The following C6orf89 variants were observed in gnomAD, a reference collection of about 807,000 sequenced individuals.
C6orf89 encodes the protein chromosome 6 open reading frame 89.
Under a neutral mutation model 40.7 loss-of-function variants are expected in C6orf89, and 29 were observed. The observed-to-expected ratio is 0.71, with a 90% CI of 0.53 to 0.97. The LOEUF (loss-of-function observed/expected upper bound fraction) is 0.97. Ranked by LOEUF, C6orf89 falls within the 50% of genes least tolerant of loss-of-function variation. The pLI is 0.00. For synonymous variants in C6orf89, 165 were observed against 152.2 expected, an observed-to-expected ratio of 1.08 and a Z score of -0.62; for missense variants, 392 against 429.1, an observed-to-expected ratio of 0.91 and a Z score of 0.76.
chr6:36,914,634 GT>G lies in C6orf89; in HGVS notation c.641del (p.Phe214SerfsTer23). 2 of 1,614,236 alleles carry G rather than the reference GT, an allele frequency of 1.2e-6. No individual in the cohort carries two copies. The highest frequency in any genetic ancestry group is 1.7e-6 in the Non-Finnish European group (2 of 1,180,044). On this transcript the variant is annotated frameshift_variant, in exon 6 of 9. Transcript: ENST00000480824. LOFTEE classifies it high-confidence loss of function. ...AGGCGACAGAAGGCTTCTCTGAAGG[GT>G]TTTTCGCCAAGTGGTGGCGCTGCTT... ...PEATEGFSEG[F>X]FAKWWRCFPE...
rs371124969 is a variant in C6orf89 at position 36,874,587 on chromosome 6, C to T, written c.-628+2620C>T. 4 of 1,282,246 alleles carry T rather than the reference C, an allele frequency of 3.1e-6. No homozygotes were observed. In the East Asian group the frequency reaches 9.9e-5, roughly 32 times the overall value. The allele number at this position is 1,282,246 out of a possible 1,614,324, so 79.4% of individuals were successfully genotyped here. ...CCCCTCTCAACCCTCTGGGGGCCGTCTCGGCCGCTGCTCCACGCCCCTCCA... is the reference window on the plus strand; with the variant it reads ...CCCCTCTCAACCCTCTGGGGGCCGTTTCGGCCGCTGCTCCACGCCCCTCCA... On this transcript the variant is annotated intron_variant, in intron 1 of 9. Transcript: ENST00000359359.
At chr6:36,895,881 G>A (rs1761407737) in intron 2 of C6orf89, among the ~76,000 whole-genome samples, 1 of 152,188 alleles carries the variant, frequency 6.6e-6, no homozygotes, top group South Asian at 2.1e-4. Context: ...TAGAATTGCT[G>A]GGTCATATGG....
intron 7 of C6orf89, among the ~76,000 whole-genome samples, chr6:36,918,012 T>C (rs1478666861): frequency 6.6e-6 from 1 of 152,174 alleles, no homozygotes; most frequent in Non-Finnish European, 1.5e-5. Context: ...GAGAATCTGT[T>C]TCCCCACCCT....
At chr6:36,914,483 C>CTA (rs767048075) in intron 5 of C6orf89, 48 bp downstream of exon 5, 1 of 1,612,476 alleles carries the variant, frequency 6.2e-7, no homozygotes, top group South Asian at 1.1e-5. Context: ...TGCTTAAAGG[C>CTA]TAGGTCAAGC....
chr6:36,921,226 G>T (rs1762499387), intron 8 of C6orf89, among the ~76,000 whole-genome samples: 1 of 151,448 alleles, frequency 6.6e-6, no homozygotes, highest in Admixed American at 6.6e-5. Context: ...AAGAATGGGG[G>T]CAGGGAGGGG....
chr6:36,877,273 T>C (rs1774685033), intron 1 of C6orf89, among the ~76,000 whole-genome samples: 1 of 152,232 alleles, frequency 6.6e-6, no homozygotes, highest in Admixed American at 6.5e-5. Context: ...AATTGCTGTG[T>C]CATAGGTAAC....
chr6:36,889,591 A>AAAAAAAAG (rs1775121611), intron 1 of C6orf89, among the ~76,000 whole-genome samples: 1 of 152,094 alleles, frequency 6.6e-6, no homozygotes, highest in African/African-American at 2.4e-5. Context: ...ACAAAAAAAA[A>AAAAAAAAG]AAGAAAAACC....
At chr6:36,896,386 C>T (rs1432633819) in intron 2 of C6orf89, among the ~76,000 whole-genome samples, 1 of 152,188 alleles carries the variant, frequency 6.6e-6, no homozygotes, top group South Asian at 2.1e-4. Flanking sequence ...GGATTACAGA[C>T]GTGAGCCACT....
At chr6:36,904,944 G>T (rs1211597260) in intron 4 of C6orf89, among the ~76,000 whole-genome samples, 2 of 152,282 alleles carry the variant, frequency 1.3e-5, no homozygotes, top group East Asian at 3.9e-4. Flanking sequence ...ACAAAAAGGT[G>T]ACAGAGGTGG....
intron 2 of C6orf89, among the ~76,000 whole-genome samples, chr6:36,896,103 T>C (rs908864377): frequency 6.6e-6 from 1 of 152,214 alleles, no homozygotes. Context: ...GTGTGTTTAT[T>C]GGTCCTTTGT....
chr6:36,880,257 T>A (rs1466066321), intron 2 of C6orf89, among the ~76,000 whole-genome samples: 1 of 152,204 alleles, frequency 6.6e-6, no homozygotes, highest in Non-Finnish European at 1.5e-5. Context: ...ATATTCAGGC[T>A]CTAATGGCCT....
intron 1 of C6orf89, among the ~76,000 whole-genome samples, chr6:36,891,828 C>T (rs992230811): frequency 6.6e-6 from 1 of 152,132 alleles, no homozygotes; most frequent in African/African-American, 2.4e-5. Flanking sequence ...GTACTGTTTC[C>T]CCTTTTGTGC....
chr6:36,882,447 T>TC (rs1205480146), upstream of C6orf89, among the ~76,000 whole-genome samples: 1 of 152,232 alleles, frequency 6.6e-6, no homozygotes, highest in Non-Finnish European at 1.5e-5. Flanking sequence ...AGGACGTAAG[T>TC]CCCGTGTTAA....
At chr6:36,875,420 G>C (rs1205011722) in intron 1 of C6orf89, among the ~76,000 whole-genome samples, 3 of 152,224 alleles carry the variant, frequency 2.0e-5, no homozygotes, top group African/African-American at 7.2e-5. Flanking sequence ...AGAGAGGGAA[G>C]GGGCAGGAAG....
In C6orf89 at chr6:36,911,707, A is replaced by G. The variant is rs559224833; in HGVS notation, c.404-2577A>G. 5.3e-5 allele frequency among the ~76,000 whole-genome samples: 8 copies of G among 152,266 alleles called. No homozygotes were observed. The South Asian group carries it at 1.4e-3, about 28-fold the overall frequency. On this transcript the variant is annotated intron_variant, in intron 4 of 8. Transcript: ENST00000480824. ...TGACACGCTACTACAGAAAAGTGTC[A>G]TAATAAATCTGCAGATGACGTTCCC...
At chr6:36,886,420 C>G (rs1774989170) in intron 1 of C6orf89, among the ~76,000 whole-genome samples, 1 of 152,176 alleles carries the variant, frequency 6.6e-6, no homozygotes, top group Non-Finnish European at 1.5e-5. Flanking sequence ...AGATCTTTTT[C>G]TAATAATCGT....
In C6orf89 at chr6:36,928,764, G is replaced by C. The variant is rs1762768059; in HGVS notation, c.*5323G>C. 1 of 152,308 alleles carries C rather than the reference G, an allele frequency of 6.6e-6. No homozygotes were observed. Among genetic ancestry groups the C allele is most frequent in the African/African-American group, 2.4e-5 (1 of 41,418 alleles). The allele number at this position is 152,308 out of a possible 1,614,324, so 9.4% of individuals were successfully genotyped here. On this transcript the variant is annotated 3_prime_UTR_variant, in exon 9 of 9. Coordinates refer to ENST00000480824, the MANE Select transcript of C6orf89 (RefSeq NM_001286635.2). ...TCCGGGAGCAGGGTGTGGTGGCCCTGGATGGTCCCAGGGAGCAGAGGGAGG... is the reference window on the plus strand; with the variant it reads ...TCCGGGAGCAGGGTGTGGTGGCCCTCGATGGTCCCAGGGAGCAGAGGGAGG...
upstream of C6orf89, among the ~76,000 whole-genome samples, chr6:36,884,581 C>T (rs148283629): frequency 5.2e-3 from 788 of 152,240 alleles, 7 homozygotes; most frequent in African/African-American, 0.016. The surrounding 1 kb of genome is among the most constrained non-coding windows in gnomAD (Gnocchi z 4.0). Flanking sequence ...ATGAAGGCAC[C>T]GTAACCTATG....
At chr6:36,884,011 C>T (rs1774894575), upstream of C6orf89, among the ~76,000 whole-genome samples, 1 of 152,196 alleles carries the variant, frequency 6.6e-6, no homozygotes, top group African/African-American at 2.4e-5. This position sits in a 1 kb window ranked among gnomAD's most constrained non-coding sequence, Gnocchi z 4.0. Context: ...CCCGTAACCT[C>T]AGCACTTTGG....
Sources: gnomAD v4.1 joint callset for allele counts (sites outside exome capture counted in the v4.1 genomes callset) on GRCh38, gnomAD v4.1.1 for gene constraint, Gnocchi (gnomAD v3.1) non-coding constraint, MANE v1.5 for transcripts, NCBI Gene and HGNC (gene_info 2026-07-23, HGNC 2026-07-21) for gene names.